RALYL: variants seen among roughly 807,000 people sequenced by gnomAD.
The protein encoded by RALYL is RNA-binding Raly-like protein.
A neutral mutation model predicts 35.1 loss-of-function variants in RALYL; 29 were observed. That is an observed-to-expected ratio of 0.83 (90% CI 0.61 to 1.13). RALYL has a LOEUF of 1.13. RALYL is among the 50% of genes most tolerant of loss of function. The pLI, the probability that RALYL is intolerant of heterozygous loss-of-function variation, is 0.00. For missense variants in RALYL, 359 were observed against 360.4 expected (o/e 1.00, Z 0.03); for synonymous variants, 120 against 127.6 (o/e 0.94, Z 0.40).
At chr8:84,389,272 AG>A (rs759672593) in intron 1 of RALYL, among the ~76,000 whole-genome samples, 1 of 152,148 alleles carries the variant, frequency 6.6e-6, no homozygotes, top group Non-Finnish European at 1.5e-5. Context: ...GAAGTCAGGT[AG>A]CATGATGCTT....
At chr8:84,518,169 A>G (rs748012612) in intron 1 of RALYL, among the ~76,000 whole-genome samples, 2 of 151,474 alleles carry the variant, frequency 1.3e-5, no homozygotes, top group African/African-American at 2.4e-5. Flanking sequence ...AGTTATACCT[A>G]TAGTCAACCA....
At chr8:84,593,482 T>A (rs1397154900) in intron 2 of RALYL, among the ~76,000 whole-genome samples, 3 of 152,118 alleles carry the variant, frequency 2.0e-5, no homozygotes, top group African/African-American at 7.2e-5. Context: ...AATTGGCTTT[T>A]GTCCAGTAGG....
chr8:84,579,749 A>G (rs1248396025), intron 2 of RALYL, among the ~76,000 whole-genome samples: 2 of 152,236 alleles, frequency 1.3e-5, no homozygotes. Context: ...TTGTGGCAAA[A>G]TAAAAATTAT....
In RALYL at chr8:84,352,233, T is replaced by G. The variant is rs1426589280; in HGVS notation, c.-24+167809T>G. Among the ~76,000 whole-genome samples the G allele has an allele frequency of 7.3e-5, 11 of 150,444 alleles. 1 individual carries two copies. In the East Asian group the frequency reaches 1.2e-3, roughly 16 times the overall value. ...ATTGCTAAATCCAGAGGAAAAGATT[T>G]CCCATGCTTTGGATTTTACCCGGTT... On this transcript the variant is annotated intron_variant, in intron 1 of 8. Coordinates refer to ENST00000521268, the MANE Select transcript of RALYL (RefSeq NM_173848.7).
intron 1 of RALYL, among the ~76,000 whole-genome samples, chr8:84,472,010 A>C (rs2052828755): frequency 6.6e-6 from 1 of 152,188 alleles, no homozygotes; most frequent in Non-Finnish European, 1.5e-5. Flanking sequence ...CAAAATTCTC[A>C]GTAGGAACAC....
chr8:84,538,126 C>T (rs923744300), intron 2 of RALYL, among the ~76,000 whole-genome samples: 12 of 152,174 alleles, frequency 7.9e-5, no homozygotes, highest in African/African-American at 2.4e-4. Flanking sequence ...GTAGAACTAA[C>T]GGTCTGTCAG....
At chr8:84,377,451 GT>G (rs369746268) in intron 1 of RALYL, among the ~76,000 whole-genome samples, 1,792 of 83,684 alleles carry the variant, frequency 0.021, 4 homozygotes, top group Non-Finnish European at 0.029. Context: ...AAGGTTAACT[GT>G]TTTTTTTTTT....
At chr8:84,527,499 T>C (rs931840329) in intron 1 of RALYL, among the ~76,000 whole-genome samples, 1 of 152,192 alleles carries the variant, frequency 6.6e-6, no homozygotes, top group Non-Finnish European at 1.5e-5. Context: ...AAAATAACTC[T>C]ATGGTGTTTC....
At chr8:84,355,421 G>T (rs559416713) in intron 1 of RALYL, among the ~76,000 whole-genome samples, 2 of 150,626 alleles carry the variant, frequency 1.3e-5, no homozygotes, top group Non-Finnish European at 3.0e-5. Flanking sequence ...CTTTTCCAAG[G>T]AAGTGGAAAG....
chr8:84,296,838 G>A (rs1043373550), intron 1 of RALYL, among the ~76,000 whole-genome samples: 1 of 151,818 alleles, frequency 6.6e-6, no homozygotes, highest in Non-Finnish European at 1.5e-5. Flanking sequence ...AATATGTAAT[G>A]CTGATCAGCT....
intron 1 of RALYL, among the ~76,000 whole-genome samples, chr8:84,458,218 T>C (rs1035273196): frequency 6.6e-6 from 1 of 151,864 alleles, no homozygotes; most frequent in African/African-American, 2.4e-5. Context: ...TGACAATTGA[T>C]GGTTTGCTAT....
intron 2 of RALYL, among the ~76,000 whole-genome samples, chr8:84,584,585 G>A (rs1322492848): frequency 6.7e-6 from 1 of 148,732 alleles, no homozygotes; most frequent in Non-Finnish European, 1.5e-5. Context: ...CCTGGCAACA[G>A]AGCAAGACTC....
At position 84,240,954 on chromosome 8, in the gene RALYL, TTAAC is replaced by T. The variant is rs1193613374; in HGVS notation, c.-24+56531_-24+56534del. Among the ~76,000 whole-genome samples the T allele has an allele frequency of 8.5e-5, 13 of 152,244 alleles. No homozygotes were observed. In the East Asian group the frequency reaches 2.1e-3, roughly 25 times the overall value. On this transcript the variant is annotated intron_variant, in intron 1 of 8. Transcript: ENST00000521268. ...ACCTCATTCCCTACCTCCCTTGGTATTAACAGGGAAAAATTCTATTAAATATTAA... is the reference window on the plus strand; with the variant it reads ...ACCTCATTCCCTACCTCCCTTGGTATAGGGAAAAATTCTATTAAATATTAA...
At chr8:84,338,480 A>C (rs1281785364) in intron 1 of RALYL, among the ~76,000 whole-genome samples, 1 of 150,930 alleles carries the variant, frequency 6.6e-6, no homozygotes, top group Non-Finnish European at 1.5e-5. Flanking sequence ...AAAAAAAAAA[A>C]CCTCTTGAAA....
intron 2 of RALYL, among the ~76,000 whole-genome samples, chr8:84,769,809 T>C (rs768160022): frequency 1.3e-5 from 2 of 152,154 alleles, no homozygotes; most frequent in Non-Finnish European, 2.9e-5. Flanking sequence ...TAATTTACAG[T>C]TTTCATTCCT....
At chr8:84,650,925 C>T (rs1334742384) in intron 2 of RALYL, among the ~76,000 whole-genome samples, 4 of 152,112 alleles carry the variant, frequency 2.6e-5, no homozygotes, top group Non-Finnish European at 2.9e-5. Context: ...TTTGTAGGGA[C>T]GTGGATGAAA....
At chr8:84,345,359 C>T (rs752824119) in intron 1 of RALYL, among the ~76,000 whole-genome samples, 22 of 151,838 alleles carry the variant, frequency 1.4e-4, no homozygotes, top group Admixed American at 1.1e-3. Context: ...GAAAGTATTA[C>T]CCTCCCCTCA....
intron 1 of RALYL, among the ~76,000 whole-genome samples, chr8:84,506,710 T>G (rs1216753122): frequency 1.3e-5 from 2 of 152,004 alleles, no homozygotes; most frequent in African/African-American, 4.8e-5. Context: ...TTTAGCATAT[T>G]AAGAAATCTT....
At chr8:84,863,222 A>T (rs1266949990) in intron 6 of RALYL, among the ~76,000 whole-genome samples, 1 of 152,270 alleles carries the variant, frequency 6.6e-6, no homozygotes, top group Admixed American at 6.5e-5. Flanking sequence ...ACTATATTTC[A>T]TTGACTGAGG....
Sources: allele counts gnomAD v4.1 joint callset (sites outside exome capture counted in the v4.1 genomes callset), GRCh38; gene constraint gnomAD v4.1.1; transcripts MANE v1.5; gene names NCBI Gene and HGNC (gene_info 2026-07-23, HGNC 2026-07-21).